SVEP1: variants seen among roughly 807,000 people sequenced by gnomAD.
SVEP1 encodes the protein sushi, von Willebrand factor type A, EGF and pentraxin domain containing 1, also known as sushi, von Willebrand factor type A, EGF and pentraxin domain-containing protein 1.
SVEP1 carries 164 observed loss-of-function variants against 367.3 expected under a neutral mutation model. The ratio of observed to expected loss-of-function variants is 0.45; its 90% CI spans 0.39 to 0.51. The LOEUF is 0.51. Among genes scored for constraint, SVEP1 ranks in the 20% least tolerant of loss-of-function variants. The pLI is 0.00. For synonymous variants in SVEP1, 1,666 were observed against 1,611.6 expected, an observed-to-expected ratio of 1.03 and a Z score of -0.81; for missense variants, 4,117 against 4,425.3, an observed-to-expected ratio of 0.93 and a Z score of 1.98.
At chr9:110,456,760 T>C (rs1828781626) in intron 21 of SVEP1, among the ~76,000 whole-genome samples, 3 of 152,216 alleles carry the variant, frequency 2.0e-5, no homozygotes, top group African/African-American at 7.2e-5. Context: ...AAAACCCCCA[T>C]AATTCATACG....
At chr9:110,484,733 A>C (rs1277564093) in intron 9 of SVEP1, among the ~76,000 whole-genome samples, 1 of 152,188 alleles carries the variant, frequency 6.6e-6, no homozygotes, top group Non-Finnish European at 1.5e-5. Flanking sequence ...CAAAGAACTT[A>C]GATTTACAAG....
chr9:110,459,139 G>A, intron 18 of SVEP1, 26 bp from the exon 19 acceptor site: 4 of 1,608,222 alleles, frequency 2.5e-6, no homozygotes, highest in Non-Finnish European at 3.4e-6. Flanking sequence ...CAAATCATAT[G>A]TGCATATAAA....
chr9:110,525,765 T>A (rs1271827590), intron 3 of SVEP1, among the ~76,000 whole-genome samples: 1 of 144,170 alleles, frequency 6.9e-6, no homozygotes, highest in African/African-American at 2.6e-5. Context: ...GCCTGGCTGA[T>A]TTTTTTTTTT....
intron 3 of SVEP1, among the ~76,000 whole-genome samples, chr9:110,517,695 A>G (rs370646203): frequency 6.8e-6 from 1 of 148,038 alleles, no homozygotes; most frequent in Non-Finnish European, 1.5e-5. Context: ...ATGAGCTACA[A>G]TTGCACCACT....
chr9:110,573,259 G>A (rs1463089907), intron 1 of SVEP1, among the ~76,000 whole-genome samples: 1 of 151,826 alleles, frequency 6.6e-6, no homozygotes, highest in East Asian at 1.9e-4. Context: ...AACATACAAA[G>A]GCTATTATCA....
chr9:110,455,752 C>A (rs187750765), intron 21 of SVEP1, 49 bp from the exon 22 acceptor site: 2 of 1,405,554 alleles, frequency 1.4e-6, no homozygotes, highest in Admixed American at 2.1e-5. Context: ...TGGGATTAAC[C>A]GAAATAGAAC....
intron 40 of SVEP1, among the ~76,000 whole-genome samples, chr9:110,396,596 C>G (rs991442297): frequency 9.8e-5 from 7 of 71,618 alleles, no homozygotes; most frequent in East Asian, 5.6e-4. Flanking sequence ...ATTGATAGAC[C>G]GCTAGCAAGA....
intron 37 of SVEP1, 89 bp from the exon 38 acceptor site, chr9:110,409,040 G>T (rs1828003540): frequency 7.2e-7 from 1 of 1,393,840 alleles, no homozygotes; most frequent in South Asian, 1.5e-5. Context: ...AAAACTAAAA[G>T]GTCTATGTTA....
intron 43 of SVEP1, among the ~76,000 whole-genome samples, chr9:110,382,409 T>C (rs1415077557): frequency 1.3e-5 from 2 of 152,232 alleles, no homozygotes; most frequent in Admixed American, 1.3e-4. Context: ...GTCTTCTGGC[T>C]TTTAGGGCTT....
chr9:110,377,379 C>G lies in SVEP1; in HGVS notation c.10409-13G>C. The G allele has an allele frequency of 1.9e-6, 3 of 1,611,862 alleles. No homozygotes were observed. Among genetic ancestry groups the G allele is most frequent in the Non-Finnish European group, 2.5e-6 (3 of 1,178,110 alleles). ...AATCGACAGACAGCTGGAAAAGAAGCAGGATGGGTCACAAATGTAGGGAAT... is the reference window on the plus strand; with the variant it reads ...AATCGACAGACAGCTGGAAAAGAAGGAGGATGGGTCACAAATGTAGGGAAT... On this transcript the variant is annotated splice_polypyrimidine_tract_variant and intron_variant, in intron 44 of 47. Transcript: ENST00000374469.
chr9:110,480,306 C>G (rs1829165143), intron 12 of SVEP1, among the ~76,000 whole-genome samples: 1 of 152,156 alleles, frequency 6.6e-6, no homozygotes, highest in Non-Finnish European at 1.5e-5. Context: ...CCCACCGTCT[C>G]AATCTGTGAA....
intron 36 of SVEP1, among the ~76,000 whole-genome samples, chr9:110,424,865 G>A (rs1828228785): frequency 6.6e-6 from 1 of 152,148 alleles, no homozygotes; most frequent in Non-Finnish European, 1.5e-5. Context: ...GTGGAGACAG[G>A]GTTTCACCAT....
chr9:110,381,680 G>A (rs1564124056), intron 43 of SVEP1, among the ~76,000 whole-genome samples: 1 of 152,160 alleles, frequency 6.6e-6, no homozygotes, highest in African/African-American at 2.4e-5. Context: ...GTTTTGGGGT[G>A]GAGAGTTCTG....
chr9:110,391,672 G>A (rs1440148136), intron 40 of SVEP1, among the ~76,000 whole-genome samples: 1 of 152,132 alleles, frequency 6.6e-6, no homozygotes, highest in Admixed American at 6.5e-5. Flanking sequence ...AGCGATAATA[G>A]TGATTGCTCT....
chr9:110,377,379 C>T lies in SVEP1; in HGVS notation c.10409-13G>A, dbSNP rs1467179530. The T allele has an allele frequency of 6.2e-7, 1 of 1,611,862 alleles. No individual in the cohort carries two copies. The highest frequency in any genetic ancestry group is 8.5e-7 in the Non-Finnish European group (1 of 1,178,110). On this transcript the variant is annotated splice_polypyrimidine_tract_variant and intron_variant, in intron 44 of 47. Coordinates refer to ENST00000374469, the MANE Select transcript of SVEP1 (RefSeq NM_153366.4). ...AATCGACAGACAGCTGGAAAAGAAG[C>T]AGGATGGGTCACAAATGTAGGGAAT...
intron 27 of SVEP1, among the ~76,000 whole-genome samples, chr9:110,441,423 G>A (rs2118584759): frequency 6.6e-6 from 1 of 152,124 alleles, no homozygotes; most frequent in East Asian, 1.9e-4. Flanking sequence ...TAAACATCCT[G>A]AGCCTCCTTC....
chr9:110,407,783 G>A lies in SVEP1; in HGVS notation c.7817C>T (p.Pro2606Leu). ...CEESGWSSSI[P>L]TCMPIDCGLP... Reference sequence around the variant, plus strand: ...GCCACAGTCTATTGGCATACATGTTGGGATGGAACTTGACCATCCTGACTC... The same window carrying A: ...GCCACAGTCTATTGGCATACATGTTAGGATGGAACTTGACCATCCTGACTC... The change falls in exon 38 of 48, where the codon CCA (proline) becomes CTA (leucine). Residue 2606 changes from proline (P) to leucine (L), a missense_variant. Transcript: ENST00000374469. 1 of 1,613,970 alleles carries A rather than the reference G, an allele frequency of 6.2e-7. No individual in the cohort carries two copies. Among genetic ancestry groups the A allele is most frequent in the Non-Finnish European group, 8.5e-7 (1 of 1,179,882 alleles).
intron 13 of SVEP1, among the ~76,000 whole-genome samples, chr9:110,478,627 G>A (rs558691347): frequency 2.6e-5 from 4 of 152,114 alleles, no homozygotes; most frequent in Non-Finnish European, 4.4e-5. Context: ...CCTAATGGGC[G>A]CAATATTTTC....
intron 1 of SVEP1, among the ~76,000 whole-genome samples, chr9:110,578,541 C>G (rs1158019851): frequency 6.6e-6 from 1 of 152,090 alleles, no homozygotes; most frequent in South Asian, 2.1e-4. Flanking sequence ...ACTTCCTCTT[C>G]CAGATATTAA....
Sources: gnomAD v4.1 joint callset for allele counts (sites outside exome capture counted in the v4.1 genomes callset) on GRCh38, gnomAD v4.1.1 for gene constraint, MANE v1.5 for transcripts, NCBI Gene and HGNC (gene_info 2026-07-23, HGNC 2026-07-21) for gene names.